Variants in AK1 observed in about 807,000 individuals in gnomAD.
AK1 encodes the protein adenylate kinase isoenzyme 1.
A neutral mutation model predicts 23.9 loss-of-function variants in AK1; 13 were observed. The observed-to-expected ratio is 0.54, with a 90% CI of 0.35 to 0.86. The LOEUF (loss-of-function observed/expected upper bound fraction) is 0.86, where lower values mean the gene tolerates loss of function less well. AK1 is among the 40% of genes least tolerant of loss of function. AK1 has a pLI of 0.01. For synonymous variants in AK1, 97 were observed against 102.8 expected, an observed-to-expected ratio of 0.94 and a Z score of 0.34; for missense variants, 214 against 255.1, an observed-to-expected ratio of 0.84 and a Z score of 1.10.
intron 1 of AK1, chr9:127,874,910 A>C: frequency 2.0e-6 from 1 of 494,074 alleles, no homozygotes; most frequent in Admixed American, 3.3e-5. Flanking sequence ...CCTCCCATCC[A>C]CCTGGGTTCC....
Position 127,868,893 on chromosome 9 carries a change from C to T in AK1, c.325-381G>A, listed in dbSNP as rs1829316055. Among the ~76,000 whole-genome samples the T allele has an allele frequency of 6.6e-6, 1 of 152,194 alleles. No homozygotes were observed. Among genetic ancestry groups the T allele is most frequent in the Non-Finnish European group, 1.5e-5 (1 of 68,026 alleles). On this transcript the variant is annotated intron_variant, in intron 5 of 6. Transcript: ENST00000644144. This position sits in a 1 kb window ranked among gnomAD's most constrained non-coding sequence, Gnocchi z 4.1. ...CAATACCAAGCATCAGGTTTCAGTG[C>T]GAAGCTCACTTCCTCAGGGCAGTCT... is the stretch of plus-strand genomic sequence containing the variant.
At chr9:127,869,836 G>T (rs1394642084) in intron 5 of AK1, among the ~76,000 whole-genome samples, 1 of 152,194 alleles carries the variant, frequency 6.6e-6, no homozygotes, top group Non-Finnish European at 1.5e-5. Context: ...GGTTCATCTG[G>T]GTCTCCAGGA....
At position 127,868,298 on chromosome 9, in the gene AK1, G is replaced by C; in HGVS notation, c.516+23C>G. ...ATAGGAACCCGTTCTTCCCGGAGCT[G>C]CCCCTGGGCCCGCGGGGCCCACCTT... is the stretch of plus-strand genomic sequence containing the variant. On this transcript the variant is annotated intron_variant, in intron 6 of 6. Coordinates refer to ENST00000644144, the MANE Select transcript of AK1 (RefSeq NM_000476.3). The surrounding 1 kb of genome is among the most constrained non-coding windows in gnomAD (Gnocchi z 4.1). 2 of 1,558,502 alleles carry C rather than the reference G, an allele frequency of 1.3e-6. No individual in the cohort carries two copies. Among genetic ancestry groups the C allele is most frequent in the South Asian group, 2.3e-5 (2 of 85,444 alleles).
At position 127,868,940 on chromosome 9, in the gene AK1, C is replaced by T. The variant is rs1393167659; in HGVS notation, c.325-428G>A. On this transcript the variant is annotated intron_variant, in intron 5 of 6. Coordinates refer to ENST00000644144, the MANE Select transcript of AK1 (RefSeq NM_000476.3). This position sits in a 1 kb window ranked among gnomAD's most constrained non-coding sequence, Gnocchi z 4.1. ...GTCTCTCTGATGCCACCCCCCGCCC[C>T]CCAGTACTCCCCGCCTCCTGGAACA... Among the ~76,000 whole-genome samples, 1 of 152,196 alleles carries T rather than the reference C, an allele frequency of 6.6e-6. No homozygotes were observed. The highest frequency in any genetic ancestry group is 2.1e-4 in the South Asian group (1 of 4,834).
Position 127,867,951 on chromosome 9 carries a change from C to G in AK1, c.*57G>C. 6.4e-7 allele frequency: 1 copy of G among 1,572,732 alleles called. No individual in the cohort carries two copies. Among genetic ancestry groups the G allele is most frequent in the Non-Finnish European group, 8.8e-7 (1 of 1,142,360 alleles). On this transcript the variant is annotated 3_prime_UTR_variant, in exon 7 of 7. Transcript: ENST00000644144. ...GGCGCTGCGCTCAGGCCAGGAGGAC[C>G]TCGAATCAGGACGGGGTGGGGCGGG...
At chr9:127,873,428 A>C in intron 2 of AK1, 1 of 1,560,636 alleles carries the variant, frequency 6.4e-7, no homozygotes, top group Non-Finnish European at 8.6e-7. Flanking sequence ...TGCGGGGGTC[A>C]CTCGAGGAGC....
chr9:127,868,637 G>T lies in AK1; in HGVS notation c.325-125C>A. 1 of 1,142,038 alleles carries T rather than the reference G, an allele frequency of 8.8e-7. No homozygotes were observed. The highest frequency in any genetic ancestry group is 1.3e-6 in the Non-Finnish European group (1 of 793,548). The allele number at this position is 1,142,038 out of a possible 1,614,324, so 70.7% of individuals were successfully genotyped here. On this transcript the variant is annotated intron_variant, in intron 5 of 6. Transcript: ENST00000644144. The surrounding 1 kb of genome is among the most constrained non-coding windows in gnomAD (Gnocchi z 4.1). ...GACCTTCAATCCCTTCCCCAAGGCA[G>T]CCTGAAAGACCTTCCTAAAACCAAT...
In AK1 at chr9:127,867,009, T is replaced by C. The variant is rs75503973; in HGVS notation, c.*999A>G. 8.3e-6 allele frequency: 1 copy of C among 120,556 alleles called. No homozygotes were observed. Among genetic ancestry groups the C allele is most frequent in the African/African-American group, 3.8e-5 (1 of 26,090 alleles). 7.5% of individuals were successfully genotyped at this position (120,556 alleles called of 1,614,324 possible). A position where few individuals can be genotyped will look rare whatever the true frequency, so the allele number is the denominator to read the frequency against. On this transcript the variant is annotated 3_prime_UTR_variant, in exon 7 of 7. Transcript: ENST00000644144. ...CCATGACTCCCCCAATTCAATTTCT[T>C]TTTTTTTTTTTTTTTTTTTGAGACG...
chr9:127,870,075 C>T (rs927925284), intron 5 of AK1, among the ~76,000 whole-genome samples: 6 of 152,176 alleles, frequency 3.9e-5, no homozygotes, highest in Non-Finnish European at 7.3e-5. Flanking sequence ...GAAGCCCTGG[C>T]GCCCCCTGGT....
At position 127,871,393 on chromosome 9, in the gene AK1, A is replaced by G. The variant is rs969982008; in HGVS notation, c.324+430T>C. On this transcript the variant is annotated intron_variant, in intron 5 of 6. Transcript: ENST00000644144. This position sits in a 1 kb window ranked among gnomAD's most constrained non-coding sequence, Gnocchi z 4.4. ...CTCCCCACACTGGCCTTGCCTTTCC[A>G]GCCCTGCCAGTGCTGTTCCCTGCCC... is the stretch of plus-strand genomic sequence containing the variant. Among the ~76,000 whole-genome samples the G allele has an allele frequency of 2.6e-5, 4 of 151,178 alleles. No individual in the cohort carries two copies. The highest frequency in any genetic ancestry group is 4.4e-5 in the Non-Finnish European group (3 of 67,972).
chr9:127,869,870 C>T (rs75214817), intron 5 of AK1, among the ~76,000 whole-genome samples: 3,207 of 152,330 alleles, frequency 0.021, 84 homozygotes, highest in East Asian at 0.077. Context: ...GCTCTTTACA[C>T]ACACCCAGCA....
chr9:127,868,166 C>G lies in AK1; in HGVS notation c.517-90G>C, dbSNP rs534852796. 1.1e-5 allele frequency: 16 copies of G among 1,509,084 alleles called. No homozygotes were observed. The highest frequency in any genetic ancestry group is 1.5e-5 in the Non-Finnish European group (16 of 1,091,466). The allele number at this position is 1,509,084 out of a possible 1,614,324, so 93.5% of individuals were successfully genotyped here. On this transcript the variant is annotated intron_variant, in intron 6 of 6. Coordinates refer to ENST00000644144, the MANE Select transcript of AK1 (RefSeq NM_000476.3). This position sits in a 1 kb window ranked among gnomAD's most constrained non-coding sequence, Gnocchi z 4.1. ...GGCCCCAGAGACCAGGCCTGCCTCCCCGAGCCCAACCTAATTGACAGCAGC... is the reference window on the plus strand; with the variant it reads ...GGCCCCAGAGACCAGGCCTGCCTCCGCGAGCCCAACCTAATTGACAGCAGC...
At position 127,867,929 on chromosome 9, in the gene AK1, G is replaced by C; in HGVS notation, c.*79C>G. The C allele has an allele frequency of 7.1e-7, 1 of 1,416,236 alleles. No homozygotes were observed. The highest frequency in any genetic ancestry group is 1.0e-6 in the Non-Finnish European group (1 of 1,000,360). 87.7% of individuals were successfully genotyped at this position (1,416,236 alleles called of 1,614,324 possible). A position where few individuals can be genotyped will look rare whatever the true frequency, so the allele number is the denominator to read the frequency against. Reference sequence around the variant, plus strand: ...GTGCTCAGCAGGGCAGGGTGGAGGCGCTGCGCTCAGGCCAGGAGGACCTCG... The same window carrying C: ...GTGCTCAGCAGGGCAGGGTGGAGGCCCTGCGCTCAGGCCAGGAGGACCTCG... On this transcript the variant is annotated 3_prime_UTR_variant, in exon 7 of 7. Coordinates refer to ENST00000644144, the MANE Select transcript of AK1 (RefSeq NM_000476.3).
chr9:127,873,468 T>G (rs768082886), intron 2 of AK1: 2 of 1,490,634 alleles, frequency 1.3e-6, no homozygotes, highest in East Asian at 4.8e-5. Context: ...CTGCCGTGTC[T>G]CCTGTGCACC....
At chr9:127,873,705 G>A in intron 2 of AK1, 1 of 985,294 alleles carries the variant, frequency 1.0e-6, no homozygotes, top group Non-Finnish European at 1.2e-6. Flanking sequence ...TGGGCAGAGG[G>A]AAACTGAGCT....
At chr9:127,875,021 C>T (rs973365833) in intron 1 of AK1, 11 of 286,640 alleles carry the variant, frequency 3.8e-5, no homozygotes, top group Middle Eastern at 1.2e-3. Flanking sequence ...AAACAGGGCG[C>T]AGGGCCAGCG....
At chr9:127,872,022 A>G (rs1829424265) in intron 4 of AK1, 83 bp from the exon 5 acceptor site, 1 of 1,187,636 alleles carries the variant, frequency 8.4e-7, no homozygotes, top group South Asian at 1.2e-5. Context: ...TGCTCCTGCC[A>G]CCTGAAATGC....
rs1472622546 is a variant in AK1, at chr9:127,866,533, A to G, written c.*1475T>C. 6.6e-6 allele frequency: 1 copy of G among 152,260 alleles called. No homozygotes were observed. Among genetic ancestry groups the G allele is most frequent in the African/African-American group, 2.4e-5 (1 of 41,458 alleles). 9.4% of individuals were successfully genotyped at this position (152,260 alleles called of 1,614,324 possible). On this transcript the variant is annotated 3_prime_UTR_variant, in exon 7 of 7. Coordinates refer to ENST00000644144, the MANE Select transcript of AK1 (RefSeq NM_000476.3). ...TTTTAAAGGAAACTTTAAATAACCAATGGAAATGAAAAACCAGCCCCACTT... is the reference window on the plus strand; with the variant it reads ...TTTTAAAGGAAACTTTAAATAACCAGTGGAAATGAAAAACCAGCCCCACTT...
chr9:127,872,986 T>A, intron 3 of AK1, 40 bp downstream of exon 3: 1 of 1,613,804 alleles, frequency 6.2e-7, no homozygotes, highest in Non-Finnish European at 8.5e-7. Context: ...CCAGTGCCAG[T>A]GAAGACCCTT....
Sources: allele counts gnomAD v4.1 joint callset (sites outside exome capture counted in the v4.1 genomes callset), GRCh38; gene constraint gnomAD v4.1.1; non-coding constraint Gnocchi (gnomAD v3.1); transcripts MANE v1.5; gene names NCBI Gene and HGNC (gene_info 2026-07-23, HGNC 2026-07-21).